The following MICAL3 variants were observed in gnomAD, a reference collection of about 807,000 sequenced individuals.
The protein encoded by MICAL3 is microtubule associated monooxygenase, calponin and LIM domain containing 3, also known as [F-actin]-monooxygenase MICAL3.
Under a neutral mutation model 207.4 loss-of-function variants are expected in MICAL3, and 62 were observed. The ratio of observed to expected loss-of-function variants is 0.30; its 90% CI spans 0.24 to 0.37. The LOEUF (loss-of-function observed/expected upper bound fraction) is 0.37, where lower values mean the gene tolerates loss of function less well. Among genes scored for constraint, MICAL3 ranks in the 10% least tolerant of loss-of-function variants. The pLI is 1.00. For missense variants in MICAL3, 2,368 were observed against 2,635.6 expected, an observed-to-expected ratio of 0.90 and a Z score of 2.22; for synonymous variants, 1,077 against 1,069.3, an observed-to-expected ratio of 1.01 and a Z score of -0.14.
Position 17,788,994 on chromosome 22 carries a change from G to A in MICAL3, c.*1738C>T, listed in dbSNP as rs5992844. The A allele has an allele frequency of 0.061, 9,243 of 152,544 alleles. 961 individuals carry two copies. Among genetic ancestry groups the A allele is most frequent in the African/African-American group, 0.21 (8,650 of 41,564 alleles). 9.4% of individuals were successfully genotyped at this position (152,544 alleles called of 1,614,324 possible). A position where few individuals can be genotyped will look rare whatever the true frequency, so the allele number is the denominator to read the frequency against. ...TCTGGTCCGGATGGCTCCTCGCTGGGCTATGTGCTGACTGCTTTGATGGAC... is the reference window on the plus strand; with the variant it reads ...TCTGGTCCGGATGGCTCCTCGCTGGACTATGTGCTGACTGCTTTGATGGAC... On this transcript the variant is annotated 3_prime_UTR_variant, in exon 32 of 32. Transcript: ENST00000441493.
chr22:17,946,894 A>G (rs1390716705), intron 1 of MICAL3, among the ~76,000 whole-genome samples: 1 of 152,144 alleles, frequency 6.6e-6, no homozygotes, highest in Non-Finnish European at 1.5e-5. Context: ...TCTGCTCTCC[A>G]GCAAAGGGCC....
At chr22:17,905,985 C>T (rs1010135740) in intron 2 of MICAL3, among the ~76,000 whole-genome samples, 11 of 152,166 alleles carry the variant, frequency 7.2e-5, no homozygotes, top group African/African-American at 2.7e-4. Context: ...AGTTCGCAAA[C>T]AGTATACCTT....
chr22:17,837,817 A>C (rs1347042861), intron 20 of MICAL3, among the ~76,000 whole-genome samples: 2 of 152,200 alleles, frequency 1.3e-5, no homozygotes, highest in South Asian at 2.1e-4. Flanking sequence ...AAACCCACTG[A>C]ATTAGATACT....
chr22:17,803,503 T>TG (rs1344361256), intron 29 of MICAL3: 2 of 151,850 alleles, frequency 1.3e-5, no homozygotes, highest in Middle Eastern at 3.2e-3. Flanking sequence ...AAAGCTGTGT[T>TG]GGAGTGTGTG....
intron 12 of MICAL3, among the ~76,000 whole-genome samples, chr22:17,890,149 G>T (rs1197898292): frequency 1.3e-5 from 2 of 152,084 alleles, no homozygotes; most frequent in Non-Finnish European, 2.9e-5. Context: ...TTCTTTACAT[G>T]ACTTCAGGTT....
rs1921150403 is a variant in MICAL3, at chr22:17,817,701, T to A, written c.4960A>T (p.Thr1654Ser). 6.3e-7 allele frequency: 1 copy of A among 1,599,988 alleles called. No homozygotes were observed. Among genetic ancestry groups the A allele is most frequent in the East Asian group, 2.2e-5 (1 of 44,730 alleles). ...GTGGGCTCCTCGGAGCCCCTGAGAG[T>A]GGGGCGTGTGGGGGAGTCAGGCCGG... ...ERRPDSPTRP[T>S]LRGSEEPTLK... Residue 1654 changes from threonine to serine, a missense_variant, in exon 26 of 32, where the codon ACT becomes TCT. By Grantham distance (58) the Thr-to-Ser change is moderately conservative. This residue lies in a region of MICAL3 where 1,770 missense variants were observed against 1,863.2 expected (regional missense o/e 0.95). Transcript: ENST00000441493.
At chr22:17,794,314 T>C (rs1414131468) in intron 29 of MICAL3, among the ~76,000 whole-genome samples, 1 of 152,144 alleles carries the variant, frequency 6.6e-6, no homozygotes, top group Admixed American at 6.5e-5. Context: ...GTGGCCAACA[T>C]GGCTTCCAGG....
At chr22:17,910,179 A>G (rs899262666) in intron 1 of MICAL3, among the ~76,000 whole-genome samples, 1 of 152,208 alleles carries the variant, frequency 6.6e-6, no homozygotes, top group Non-Finnish European at 1.5e-5. Context: ...AAGGTCCTGC[A>G]ACCCATAACT....
chr22:17,806,893 G>A (rs570950734), intron 29 of MICAL3, among the ~76,000 whole-genome samples: 15 of 152,270 alleles, frequency 9.9e-5, no homozygotes, highest in South Asian at 4.2e-4. Flanking sequence ...ATTATTTTCC[G>A]GCCCTTTGGC....
intron 1 of MICAL3, among the ~76,000 whole-genome samples, chr22:17,950,337 G>GTTTTTTTTT (rs764642603): frequency 7.8e-5 from 7 of 89,332 alleles, no homozygotes; most frequent in Non-Finnish European, 1.4e-4. Context: ...TTTTGTTTTT[G>GTTTTTTTTT]TTTTTTTTTT....
chr22:17,925,299 A>C (rs1932892050), intron 1 of MICAL3, among the ~76,000 whole-genome samples: 1 of 152,222 alleles, frequency 6.6e-6, no homozygotes, highest in Admixed American at 6.5e-5. Context: ...ACCAGGCCAG[A>C]AAAACATACT....
rs781076658 is a variant in MICAL3 at position 17,818,842 on chromosome 22, TG to T, written c.3818del (p.Pro1273HisfsTer57). The T allele has an allele frequency of 7.2e-7, 1 of 1,387,228 alleles. No homozygotes were observed. Among genetic ancestry groups the T allele is most frequent in the African/African-American group, 1.7e-5 (1 of 60,138 alleles). The allele number at this position is 1,387,228 out of a possible 1,614,324, so 85.9% of individuals were successfully genotyped here. On this transcript the variant is annotated frameshift_variant, in exon 26 of 32. Coordinates refer to ENST00000441493, the MANE Select transcript of MICAL3 (RefSeq NM_015241.3). LOFTEE classifies it high-confidence loss of function. ...AGCGTATGGGGGACTGGGTAGGGGATGGGACAGTGGCCTCGGTGGAAGGCTG... is the reference window on the plus strand; with the variant it reads ...AGCGTATGGGGGACTGGGTAGGGGATGGACAGTGGCCTCGGTGGAAGGCTG... The part of the protein sequence containing the change: ...QPQPSTEATV[P>X]SPTQSPIRFQ...
intron 1 of MICAL3, among the ~76,000 whole-genome samples, chr22:17,977,007 C>A (rs945143183): frequency 6.6e-6 from 1 of 151,956 alleles, no homozygotes; most frequent in South Asian, 2.1e-4. Context: ...GGGGTTTCAC[C>A]GTGTTAGCCA....
chr22:18,015,223 G>A (rs1024327963), intron 1 of MICAL3, among the ~76,000 whole-genome samples: 5 of 152,072 alleles, frequency 3.3e-5, no homozygotes, highest in African/African-American at 1.2e-4. Flanking sequence ...CAACATAATT[G>A]TGACTCTTGG....
chr22:17,816,783 C>G lies in MICAL3; in HGVS notation c.5352G>C (p.Glu1784Asp). The G allele has an allele frequency of 1.3e-6, 2 of 1,549,834 alleles. No homozygotes were observed. Among genetic ancestry groups the G allele is most frequent in the Non-Finnish European group, 1.7e-6 (2 of 1,146,782 alleles). ...KHRVLPVVRA[E>D]LQLRRQLSFS... Reference sequence around the variant, plus strand: ...AGCTCAGCTGGCGCCGGAGCTGCAGCTCTGTGGAGAGAGGGAGGCCACGTG... The same window carrying G: ...AGCTCAGCTGGCGCCGGAGCTGCAGGTCTGTGGAGAGAGGGAGGCCACGTG... Residue 1784 changes from glutamate (E) to aspartate (D), a missense_variant and splice_region_variant, in exon 27 of 32, where the codon GAG (glutamate) becomes GAC (aspartate). By Grantham distance (45) the Glu-to-Asp change is conservative. Transcript: ENST00000441493.
chr22:17,968,277 C>T (rs1463546822), intron 1 of MICAL3, among the ~76,000 whole-genome samples: 1 of 151,968 alleles, frequency 6.6e-6, no homozygotes, highest in East Asian at 1.9e-4. Flanking sequence ...TCTGTGGAAG[C>T]GTTGGGGGAG....
intron 29 of MICAL3, among the ~76,000 whole-genome samples, chr22:17,806,593 T>C (rs987641776): frequency 5.9e-5 from 9 of 152,376 alleles, no homozygotes; most frequent in African/African-American, 1.4e-4. Flanking sequence ...TTGTCACTTA[T>C]AGCAACTACA....
At chr22:17,832,429 G>T (rs868171285) in intron 20 of MICAL3, among the ~76,000 whole-genome samples, 2 of 152,206 alleles carry the variant, frequency 1.3e-5, no homozygotes, top group South Asian at 4.1e-4. Context: ...GCCTGTGGAG[G>T]GGAGTGTGCA....
chr22:17,881,567 A>T (rs184734202), intron 16 of MICAL3, among the ~76,000 whole-genome samples: 2 of 152,186 alleles, frequency 1.3e-5, no homozygotes, highest in African/African-American at 4.8e-5. Flanking sequence ...AGGGAGCAAC[A>T]GTTTTCTCAG....
Sources: gnomAD v4.1 joint callset for allele counts (sites outside exome capture counted in the v4.1 genomes callset) on GRCh38, gnomAD v4.1.1 for gene constraint, gnomAD v4.1.1 regional missense constraint, MANE v1.5 for transcripts, NCBI Gene and HGNC (gene_info 2026-07-23, HGNC 2026-07-21) for gene names.